The following WDR17 variants were observed in gnomAD, a reference collection of about 807,000 sequenced individuals.
The protein encoded by WDR17 is WD repeat domain 17.
In WDR17, 143 loss-of-function variants were observed where a neutral mutation model predicts 161.7. That is an observed-to-expected ratio of 0.88 (90% CI 0.77 to 1.02). The LOEUF (loss-of-function observed/expected upper bound fraction) is 1.02, where lower values mean the gene tolerates loss of function less well. WDR17 is among the 50% of genes least tolerant of loss of function. The pLI is 0.00. For missense variants in WDR17, 1,469 were observed against 1,520.9 expected (o/e 0.97, Z 0.57); for synonymous variants, 517 against 515.6 (o/e 1.00, Z -0.04).
chr4:176,128,750 G>A lies in WDR17; in HGVS notation c.803G>A (p.Gly268Asp). The change falls in exon 6 of 29, where the codon GGT (glycine) becomes GAT (aspartate). Residue 268 changes from glycine to aspartate, a missense_variant. Coordinates refer to ENST00000508596, the MANE Select transcript of WDR17 (RefSeq NM_181265.4). ...CTGATCTGACTAGATTCTCAAGTGG[G>A]TGTTTTACGCATTTGGAATGTTTCA... ...GMFITGDSQV[G>D]VLRIWNVSRT... 1 of 1,599,210 alleles carries A rather than the reference G, an allele frequency of 6.3e-7. No homozygotes were observed. Among genetic ancestry groups the A allele is most frequent in the Non-Finnish European group, 8.5e-7 (1 of 1,175,428 alleles).
At chr4:176,070,013 A>G (rs34576037) in intron 1 of WDR17, among the ~76,000 whole-genome samples, 49,575 of 151,912 alleles carry the variant, frequency 0.33, 8,761 homozygotes, top group East Asian at 0.43. Context: ...GGAATTTATG[A>G]TAGAAGGATC....
intron 11 of WDR17, among the ~76,000 whole-genome samples, chr4:176,143,674 G>GT (rs1371445829): frequency 1.3e-5 from 2 of 151,968 alleles, no homozygotes; most frequent in Non-Finnish European, 2.9e-5. Context: ...GCCAGACCCT[G>GT]TTTCAAATTT....
At chr4:176,121,668 G>A (rs1366460268) in intron 4 of WDR17, among the ~76,000 whole-genome samples, 1 of 151,604 alleles carries the variant, frequency 6.6e-6, no homozygotes, top group Non-Finnish European at 1.5e-5. Flanking sequence ...CTTTTTTCTT[G>A]CTTTATTATT....
Position 176,115,855 on chromosome 4 carries a change from A to G in WDR17, c.183A>G (p.Thr61=). 6.2e-7 allele frequency: 1 copy of G among 1,611,722 alleles called. No homozygotes were observed. The highest frequency in any genetic ancestry group is 8.5e-7 in the Non-Finnish European group (1 of 1,178,516). ...CAATTATGTCTGAACATAAAAAAAC[A>G]ATCACAGCAATTTCTTGGTGTCCAC... The part of the protein sequence containing the change: ...LHAIMSEHKK[T]ITAISWCPHN... Residue 61 remains threonine, a synonymous_variant, in exon 3 of 29, where the codon ACA becomes ACG. Coordinates refer to ENST00000508596, the MANE Select transcript of WDR17 (RefSeq NM_181265.4).
At chr4:176,172,865 CAG>C (rs1049596011) in intron 24 of WDR17, among the ~76,000 whole-genome samples, 7 of 152,008 alleles carry the variant, frequency 4.6e-5, no homozygotes, top group African/African-American at 1.7e-4. Context: ...CGTGTGGACT[CAG>C]AACAAGAATT....
intron 1 of WDR17, among the ~76,000 whole-genome samples, chr4:176,076,449 T>TGTTTC (rs1734047440): frequency 6.7e-6 from 1 of 150,128 alleles, no homozygotes; most frequent in Admixed American, 6.6e-5. Flanking sequence ...TTGTTGTTTT[T>TGTTTC]GTTTCTGTAG....
At chr4:176,145,196 A>C in intron 11 of WDR17, among the ~76,000 whole-genome samples, 1 of 152,190 alleles carries the variant, frequency 6.6e-6, no homozygotes, top group East Asian at 1.9e-4. Context: ...GTTAGAGTAG[A>C]TGTTCCTCAA....
intron 22 of WDR17, among the ~76,000 whole-genome samples, chr4:176,167,644 C>CAAAAAAAAAAAA (rs34187946): frequency 4.2e-4 from 10 of 23,830 alleles, no homozygotes; most frequent in East Asian, 2.7e-3. Context: ...GACTCCGTCT[C>CAAAAAAAAAAAA]AAAAAAAAAA....
At chr4:176,147,499 A>T (rs1263858554) in intron 12 of WDR17, among the ~76,000 whole-genome samples, 1 of 152,190 alleles carries the variant, frequency 6.6e-6, no homozygotes, top group African/African-American at 2.4e-5. Context: ...ACTGACAAAA[A>T]CATGAAGGAA....
chr4:176,103,092 C>CT (rs1297474660), intron 1 of WDR17, among the ~76,000 whole-genome samples: 2 of 152,142 alleles, frequency 1.3e-5, no homozygotes, highest in African/African-American at 4.8e-5. Context: ...TTCAAGGGGA[C>CT]TTAAAGGGCT....
At chr4:176,078,288 G>A (rs1443640818) in intron 1 of WDR17, among the ~76,000 whole-genome samples, 2 of 151,924 alleles carry the variant, frequency 1.3e-5, no homozygotes, top group African/African-American at 4.8e-5. Context: ...TCCCATCACT[G>A]AACCATTAAA....
intron 2 of WDR17, among the ~76,000 whole-genome samples, chr4:176,113,815 A>G (rs1441347339): frequency 2.0e-5 from 3 of 152,054 alleles, no homozygotes; most frequent in African/African-American, 4.8e-5. Flanking sequence ...TGATTAAATG[A>G]TAATGGGAAA....
At chr4:176,155,671 A>G (rs1256452133) in intron 17 of WDR17, among the ~76,000 whole-genome samples, 1 of 146,858 alleles carries the variant, frequency 6.8e-6, no homozygotes, top group Non-Finnish European at 1.5e-5. Context: ...CAGCCTCCCA[A>G]GTAGCTAGAA....
intron 1 of WDR17, among the ~76,000 whole-genome samples, chr4:176,096,860 A>G (rs140798648): frequency 2.0e-4 from 31 of 151,838 alleles, no homozygotes; most frequent in African/African-American, 6.7e-4. Context: ...ATAAAATAAT[A>G]TTTTATATAT....
chr4:176,110,348 A>C (rs759592629), intron 1 of WDR17, among the ~76,000 whole-genome samples: 16 of 152,004 alleles, frequency 1.1e-4, no homozygotes, highest in Non-Finnish European at 2.1e-4. Context: ...TCACCATGTT[A>C]GCCTCCTGAC....
chr4:176,126,109 A>G (rs1742406447), intron 5 of WDR17, among the ~76,000 whole-genome samples: 1 of 152,226 alleles, frequency 6.6e-6, no homozygotes, highest in African/African-American at 2.4e-5. Context: ...ATTAGACCCT[A>G]TCTCCTAACA....
At chr4:176,144,044 C>T (rs1350069023) in intron 11 of WDR17, among the ~76,000 whole-genome samples, 1 of 152,158 alleles carries the variant, frequency 6.6e-6, no homozygotes, top group Non-Finnish European at 1.5e-5. Flanking sequence ...TGCATCCAGC[C>T]ACACTCACTT....
At chr4:176,077,508 T>A (rs963539816) in intron 1 of WDR17, among the ~76,000 whole-genome samples, 4 of 152,104 alleles carry the variant, frequency 2.6e-5, no homozygotes, top group Non-Finnish European at 5.9e-5. Flanking sequence ...AGTACCTTAG[T>A]GTTTAGAGGA....
intron 1 of WDR17, among the ~76,000 whole-genome samples, chr4:176,087,651 T>C (rs1343386335): frequency 6.6e-6 from 1 of 152,146 alleles, no homozygotes; most frequent in African/African-American, 2.4e-5. Context: ...ATACCTTATC[T>C]GTCTCTTATG....
Sources: allele counts gnomAD v4.1 joint callset (sites outside exome capture counted in the v4.1 genomes callset), GRCh38; gene constraint gnomAD v4.1.1; transcripts MANE v1.5; gene names NCBI Gene and HGNC (gene_info 2026-07-23, HGNC 2026-07-21).